Variants in NRXN1 observed in about 807,000 individuals in gnomAD.
NRXN1 encodes neurexin 1.
Under a neutral mutation model 150.9 loss-of-function variants are expected in NRXN1, and 39 were observed. The observed-to-expected ratio is 0.26, with a 90% confidence interval of 0.20 to 0.34. The LOEUF (loss-of-function observed/expected upper bound fraction) is 0.34, where lower values mean the gene tolerates loss of function less well. Among genes scored for constraint, NRXN1 ranks in the 10% least tolerant of loss-of-function variants. The probability of loss-of-function intolerance (pLI) is 1.00; values close to 1 mark genes in which losing one functional copy is unlikely to be tolerated. For missense variants in NRXN1, 1,815 were observed against 1,949.9 expected (o/e 0.93, Z 1.30); for synonymous variants, 924 against 757.0 (o/e 1.22, Z -3.62).
rs1558502904 is a variant in NRXN1, at chr2:49,920,973, A to AAAGC, written c.*970_*971insGCTT. 2.6e-5 allele frequency: 4 copies of AAAGC among 151,806 alleles called. No homozygotes were observed. The highest frequency in any genetic ancestry group is 7.3e-5 in the African/African-American group (3 of 41,254). 9.4% of individuals were successfully genotyped at this position (151,806 alleles called of 1,614,324 possible). A position where few individuals can be genotyped will look rare whatever the true frequency, so the allele number is the denominator to read the frequency against. On this transcript the variant is annotated 3_prime_UTR_variant, in exon 23 of 23. Coordinates refer to ENST00000401669, the MANE Select transcript of NRXN1 (RefSeq NM_001330078.2). ...TACACTGTAATTTCTTTAAAAAATA[A>AAAGC]AAGTAATTGTGGCAATTTATAATGG...
intron 18 of NRXN1, among the ~76,000 whole-genome samples, chr2:50,117,832 G>T (rs555840832): frequency 6.6e-6 from 1 of 150,692 alleles, no homozygotes; most frequent in Admixed American, 6.6e-5. Context: ...AAATATATAA[G>T]ATAGATTCAC....
At chr2:50,308,505 T>A (rs943477404) in intron 17 of NRXN1, among the ~76,000 whole-genome samples, 2 of 152,052 alleles carry the variant, frequency 1.3e-5, no homozygotes, top group African/African-American at 4.8e-5. Flanking sequence ...GTTTTTATTT[T>A]TTTTTAATTT....
intron 5 of NRXN1, among the ~76,000 whole-genome samples, chr2:50,882,939 T>C (rs1283703301): frequency 6.6e-6 from 1 of 151,888 alleles, no homozygotes; most frequent in African/African-American, 2.4e-5. Context: ...TATATATTTT[T>C]ATAACATCAA....
At chr2:50,943,851 A>G (rs1006532859) in intron 2 of NRXN1, among the ~76,000 whole-genome samples, 2 of 152,210 alleles carry the variant, frequency 1.3e-5, no homozygotes, top group Admixed American at 6.5e-5. Flanking sequence ...GTAGAGAGAG[A>G]AAATAATTTA....
intron 17 of NRXN1, among the ~76,000 whole-genome samples, chr2:50,306,218 A>C (rs2074595343): frequency 6.6e-6 from 1 of 152,232 alleles, no homozygotes; most frequent in Non-Finnish European, 1.5e-5. Context: ...AAAATAAGAA[A>C]CAAATGTCAG....
intron 5 of NRXN1, among the ~76,000 whole-genome samples, chr2:50,729,043 T>C (rs1697756115): frequency 6.6e-6 from 1 of 152,202 alleles, no homozygotes; most frequent in Non-Finnish European, 1.5e-5. Context: ...ATTTTACTAC[T>C]AGTCATATAT....
chr2:50,468,930 G>C (rs2089196510), intron 16 of NRXN1, among the ~76,000 whole-genome samples: 1 of 151,540 alleles, frequency 6.6e-6, no homozygotes, highest in South Asian at 2.1e-4. Flanking sequence ...GCCTAGAGCT[G>C]AATGTTACAG....
chr2:50,716,432 C>A (rs192741278), intron 5 of NRXN1, among the ~76,000 whole-genome samples: 1 of 152,174 alleles, frequency 6.6e-6, no homozygotes, highest in Admixed American at 6.5e-5. Context: ...AGAATAAACT[C>A]AAGCAACTGG....
chr2:50,827,673 T>C (rs1480171793), intron 5 of NRXN1, among the ~76,000 whole-genome samples: 1 of 152,144 alleles, frequency 6.6e-6, no homozygotes, highest in East Asian at 1.9e-4. Context: ...GGCAGGGTCA[T>C]AGGACAACAG....
intron 18 of NRXN1, among the ~76,000 whole-genome samples, chr2:50,121,617 T>C (rs1201693456): frequency 6.6e-6 from 1 of 152,184 alleles, no homozygotes; most frequent in East Asian, 1.9e-4. Flanking sequence ...CAACTGTACC[T>C]TATACACTAC....
chr2:49,981,419 C>G (rs139078708), intron 21 of NRXN1, among the ~76,000 whole-genome samples: 1 of 151,774 alleles, frequency 6.6e-6, no homozygotes, highest in South Asian at 2.1e-4. Context: ...GGGAAAAGAA[C>G]TAAAGGAAAA....
intron 18 of NRXN1, among the ~76,000 whole-genome samples, chr2:50,093,978 G>C (rs537939153): frequency 6.6e-6 from 1 of 152,288 alleles, no homozygotes; most frequent in Admixed American, 6.5e-5. Flanking sequence ...GGTAAATCTA[G>C]CTGTTTTTAC....
chr2:50,968,992 C>T (rs1307588110), intron 2 of NRXN1, among the ~76,000 whole-genome samples: 1 of 152,070 alleles, frequency 6.6e-6, no homozygotes, highest in Non-Finnish European at 1.5e-5. Flanking sequence ...ATCTTCTTTT[C>T]CACCCTCACC....
intron 17 of NRXN1, among the ~76,000 whole-genome samples, chr2:50,290,335 TG>T (rs1458557235): frequency 1.3e-5 from 2 of 152,182 alleles, no homozygotes; most frequent in African/African-American, 4.8e-5. Flanking sequence ...TTTATTCAAT[TG>T]GGTTTGCTTT....
chr2:50,500,728 T>C (rs2104945816), intron 13 of NRXN1, among the ~76,000 whole-genome samples: 1 of 152,372 alleles, frequency 6.6e-6, no homozygotes, highest in Admixed American at 6.5e-5. Flanking sequence ...GTTTCCTAGA[T>C]GCTGTGTTTG....
intron 2 of NRXN1, among the ~76,000 whole-genome samples, chr2:50,974,453 T>C (rs1695509287): frequency 6.6e-6 from 1 of 152,090 alleles, no homozygotes; most frequent in Non-Finnish European, 1.5e-5. Flanking sequence ...AAGAATAACA[T>C]ATTTATCAGA....
At chr2:51,001,427 G>T (rs1700064512) in intron 2 of NRXN1, among the ~76,000 whole-genome samples, 1 of 151,754 alleles carries the variant, frequency 6.6e-6, no homozygotes, top group Non-Finnish European at 1.5e-5. Context: ...TATCTGCAAA[G>T]TTAATTTCAT....
Position 50,037,169 on chromosome 2 carries a change from G to A in NRXN1, c.4128+16102C>T, listed in dbSNP as rs1421128286. ...TAAATTAATAGATGAAATAGGTAAT[G>A]ATAACTATACAGGGCTAAAACATTT... On this transcript the variant is annotated intron_variant, in intron 21 of 22. Transcript: ENST00000401669. 2.6e-5 allele frequency among the ~76,000 whole-genome samples: 4 copies of A among 152,270 alleles called. No individual in the cohort carries two copies. The East Asian group carries it at 5.8e-4, about 22-fold the overall frequency.
At chr2:50,329,646 TATATATATATATATATATATATATA>T (rs2076674958) in intron 17 of NRXN1, among the ~76,000 whole-genome samples, 2 of 7,698 alleles carry the variant, frequency 2.6e-4, no homozygotes, top group Non-Finnish European at 3.9e-4. Flanking sequence ...TATATATATA[TATATATATATATATATATATATATA>T]TATTTTTTTT....
Sources: gnomAD v4.1 joint callset for allele counts (sites outside exome capture counted in the v4.1 genomes callset) on GRCh38, gnomAD v4.1.1 for gene constraint, MANE v1.5 for transcripts, NCBI Gene and HGNC (gene_info 2026-07-23, HGNC 2026-07-21) for gene names.